Variants in OR2T1 observed in about 807,000 individuals in gnomAD.
OR2T1 encodes olfactory receptor family 2 subfamily T member 1, also known as olfactory receptor 2T1.
For synonymous variants in OR2T1, 186 were observed against 145.4 expected (o/e 1.28, Z -2.01); for missense variants, 440 against 390.2 (o/e 1.13, Z -1.07).
chr1:248,404,245 G>GGCTGCTATTACATAT, intron 1 of OR2T1, among the ~76,000 whole-genome samples: 84 of 151,042 alleles, frequency 5.6e-4, no homozygotes, highest in Middle Eastern at 3.4e-3. Flanking sequence ...AGACAGCAGA[G>GGCTGCTATTACATAT]ACCACTGTTT....
At position 248,406,426 on chromosome 1, in the gene OR2T1, T is replaced by TGTGG. The variant is rs1036774118; in HGVS notation, c.281_284dup (p.Cys96GlyfsTer16). On this transcript the variant is annotated frameshift_variant, in exon 2 of 2. Coordinates refer to ENST00000642005, the MANE Select transcript of OR2T1 (RefSeq NM_030904.2). LOFTEE classifies it low-confidence loss of function (END_TRUNC). The stretch of plus-strand genomic sequence containing the variant: ...TGCTGGATCAAAGGACCATTTCCTT[T>TGTGG]GTGGGGTGCACAGCTCAACACTTCC... 4.0e-5 allele frequency: 65 copies of TGTGG among 1,614,054 alleles called. No individual in the cohort carries two copies. The highest frequency in any genetic ancestry group is 5.3e-5 in the Non-Finnish European group (63 of 1,180,018).
rs774013535 is a variant in OR2T1 at position 248,406,507 on chromosome 1, C to T, written c.360C>T (p.Asp120=). The T allele has an allele frequency of 1.9e-6, 3 of 1,614,162 alleles. No homozygotes were observed. Among genetic ancestry groups the T allele is most frequent in the South Asian group, 1.1e-5 (1 of 91,080 alleles). ...EFFLLGLMAY[D]RYVAICNPLR... Reference sequence around the variant, plus strand: ...TCCTGCTGGGCCTCATGGCCTATGACCGCTATGTGGCCATTTGCAACCCTC... The same window carrying T: ...TCCTGCTGGGCCTCATGGCCTATGATCGCTATGTGGCCATTTGCAACCCTC... The change falls in exon 2 of 2, where the codon GAC becomes GAT. Residue 120 remains aspartate (D), a synonymous_variant. Transcript: ENST00000642005.
Position 248,406,330 on chromosome 1 carries a change from C to T in OR2T1, c.183C>T (p.Leu61=), listed in dbSNP as rs540027914. 5.6e-6 allele frequency: 9 copies of T among 1,614,162 alleles called. No individual in the cohort carries two copies. In the East Asian group the frequency reaches 2.0e-4, roughly 36 times the overall value. ...GCCTTCATACACCCATGTACTTCCT[C>T]CTCAGCCACCTTTCCTTAATTGACA... ...DLRLHTPMYF[L]LSHLSLIDMM... The change falls in exon 2 of 2, where the codon CTC becomes CTT. Residue 61 remains leucine, a synonymous_variant. Transcript: ENST00000642005.
Position 248,407,083 on chromosome 1 carries a change from G to C in OR2T1, c.936G>C (p.Arg312Ser). 6.3e-7 allele frequency: 1 copy of C among 1,590,412 alleles called. No homozygotes were observed. The highest frequency in any genetic ancestry group is 8.5e-7 in the Non-Finnish European group (1 of 1,169,744). ...RALGRFKGPQ[R>S]VSGGVF ...TGGGGAGGTTCAAGGGTCCTCAAAG[G>C]GTGTCAGGAGGTGTCTTTTGACAGT... Residue 312 changes from arginine (R) to serine (S), a missense_variant, in exon 2 of 2, where the codon AGG (arginine) becomes AGC (serine). Coordinates refer to ENST00000642005, the MANE Select transcript of OR2T1 (RefSeq NM_030904.2).
rs551535381 is a variant in OR2T1, at chr1:248,403,818, G to C, written c.-34+573G>C. On this transcript the variant is annotated intron_variant, in intron 1 of 1. Transcript: ENST00000642005. The stretch of plus-strand genomic sequence containing the variant: ...GGAGGGCTTGTTCTCTGATAAATTA[G>C]ATCTTTTGTATGCAGATAGGAAAAG... Among the ~76,000 whole-genome samples the C allele has an allele frequency of 4.8e-4, 73 of 152,188 alleles. 1 individual carries two copies. The highest frequency in any genetic ancestry group is 2.0e-3 in the Admixed American group (31 of 15,260).
intron 1 of OR2T1, among the ~76,000 whole-genome samples, chr1:248,405,354 T>C (rs1276537757): frequency 1.3e-5 from 2 of 152,196 alleles, no homozygotes. Context: ...GCTCAATGTT[T>C]ACGTCCCTGT....
intron 1 of OR2T1, among the ~76,000 whole-genome samples, chr1:248,405,804 AC>A (rs761165687): frequency 7.2e-5 from 11 of 152,352 alleles, no homozygotes; most frequent in Non-Finnish European, 1.0e-4. Context: ...ACACGCATAC[AC>A]CGGACCATGG....
rs1438157917 is a variant in OR2T1, at chr1:248,406,838, G to A, written c.691G>A (p.Glu231Lys). 1.2e-6 allele frequency: 2 copies of A among 1,614,060 alleles called. No homozygotes were observed. The highest frequency in any genetic ancestry group is 1.7e-5 in the Admixed American group (1 of 59,998). ...TACAGTTCAGTGCATGAGCTCAGTGGAGGGCAGGAAGAAGGCATTTGCCAC... is the reference window on the plus strand; with the variant it reads ...TACAGTTCAGTGCATGAGCTCAGTGAAGGGCAGGAAGAAGGCATTTGCCAC... ...LTTVQCMSSV[E>K]GRKKAFATCS... Residue 231 changes from glutamate to lysine, a missense_variant, in exon 2 of 2, where the codon GAG becomes AAG. Coordinates refer to ENST00000642005, the MANE Select transcript of OR2T1 (RefSeq NM_030904.2).
intron 1 of OR2T1, among the ~76,000 whole-genome samples, chr1:248,403,886 C>T (rs1661483229): frequency 2.0e-5 from 3 of 151,934 alleles, no homozygotes; most frequent in Admixed American, 2.0e-4. Context: ...TTAGAATTTC[C>T]CTTTGCATTG....
At position 248,407,828 on chromosome 1, in the gene OR2T1, T is replaced by C. The variant is rs191072843; in HGVS notation, c.*724T>C. The C allele has an allele frequency of 1.7e-4, 26 of 152,370 alleles. No homozygotes were observed. The highest frequency in any genetic ancestry group is 6.0e-4 in the African/African-American group (25 of 41,584). The allele number at this position is 152,370 out of a possible 1,614,324, so 9.4% of individuals were successfully genotyped here. On this transcript the variant is annotated 3_prime_UTR_variant, in exon 2 of 2. Coordinates refer to ENST00000642005, the MANE Select transcript of OR2T1 (RefSeq NM_030904.2). ...CATCTGACTGTTTCTGTGTATCCTT[T>C]GTAATATCATTTATAACAAGTGGTA...
chr1:248,405,626 G>A (rs1281066721), intron 1 of OR2T1, among the ~76,000 whole-genome samples: 2 of 152,146 alleles, frequency 1.3e-5, no homozygotes, highest in Non-Finnish European at 2.9e-5. Flanking sequence ...TCATGATGTA[G>A]ACAGTGACTT....
At position 248,406,428 on chromosome 1, in the gene OR2T1, T is replaced by C; in HGVS notation, c.281T>C (p.Val94Ala). The C allele has an allele frequency of 1.9e-6, 3 of 1,614,130 alleles. No individual in the cohort carries two copies. The highest frequency in any genetic ancestry group is 2.5e-6 in the Non-Finnish European group (3 of 1,179,984). The change falls in exon 2 of 2, where the codon GTG (valine) becomes GCG (alanine). Residue 94 changes from valine (V) to alanine (A), a missense_variant. By Grantham distance (64) the Val-to-Ala change is moderately conservative (BLOSUM62 0). Coordinates refer to ENST00000642005, the MANE Select transcript of OR2T1 (RefSeq NM_030904.2). ...YLLDQRTISF[V>A]GCTAQHFLYL... Reference sequence around the variant, plus strand: ...CTGGATCAAAGGACCATTTCCTTTGTGGGGTGCACAGCTCAACACTTCCTC... The same window carrying C: ...CTGGATCAAAGGACCATTTCCTTTGCGGGGTGCACAGCTCAACACTTCCTC...
Position 248,407,393 on chromosome 1 carries a change from T to G in OR2T1, c.*289T>G. The G allele has an allele frequency of 2.7e-6, 1 of 369,890 alleles. No homozygotes were observed. 22.9% of individuals were successfully genotyped at this position (369,890 alleles called of 1,614,324 possible). On this transcript the variant is annotated 3_prime_UTR_variant, in exon 2 of 2. Transcript: ENST00000642005. ...ATATAATCCAATCTTTCCCCGCTTT[T>G]GGTCACAAAGAAATTATCTGACTAC...
In OR2T1 at chr1:248,407,475, C is replaced by G. The variant is rs1661587683; in HGVS notation, c.*371C>G. ...TTCAAAAGAGGTCTTCTCTCATACC[C>G]TGGGGGAGGGAATGCTATACAGAGA... On this transcript the variant is annotated 3_prime_UTR_variant, in exon 2 of 2. Transcript: ENST00000642005. 3 of 210,648 alleles carry G rather than the reference C, an allele frequency of 1.4e-5. No homozygotes were observed. The highest frequency in any genetic ancestry group is 3.0e-4 in the South Asian group (2 of 6,558). 13.0% of individuals were successfully genotyped at this position (210,648 alleles called of 1,614,324 possible).
rs1558315121 is a variant in OR2T1 at position 248,406,269 on chromosome 1, ATG to A, written c.123_124del (p.Asn41LysfsTer28). On this transcript the variant is annotated frameshift_variant, in exon 2 of 2. Transcript: ENST00000642005. LOFTEE classifies it low-confidence loss of function (END_TRUNC). The stretch of plus-strand genomic sequence containing the variant: ...ATCTTCTTCACCGCACTGATGGCCA[ATG>A]GGGTTATGATCTTCCTGATCCAAAC... 2 of 1,614,138 alleles carry A rather than the reference ATG, an allele frequency of 1.2e-6. No homozygotes were observed. Among genetic ancestry groups the A allele is most frequent in the East Asian group, 4.5e-5 (2 of 44,886 alleles).
chr1:248,405,814 G>A (rs1355706155), intron 1 of OR2T1, among the ~76,000 whole-genome samples: 3 of 152,176 alleles, frequency 2.0e-5, no homozygotes, highest in Non-Finnish European at 2.9e-5. Context: ...ACCGGACCAT[G>A]GTATGCGTAA....
At chr1:248,405,063 C>A (rs1455270720) in intron 1 of OR2T1, among the ~76,000 whole-genome samples, 3 of 152,114 alleles carry the variant, frequency 2.0e-5, no homozygotes, top group Admixed American at 1.3e-4. Flanking sequence ...ATAGCAACTT[C>A]TTTTTCTGGG....
At position 248,407,110 on chromosome 1, in the gene OR2T1, G is replaced by C. The variant is rs143926503; in HGVS notation, c.*6G>C. 1.1e-4 allele frequency: 175 copies of C among 1,561,642 alleles called. 1 individual carries two copies. In the East Asian group the frequency reaches 3.8e-3, roughly 34 times the overall value. ...TGTCAGGAGGTGTCTTTTGACAGTC[G>C]ACTCCTTCCCATGCATATGGTAAAT... On this transcript the variant is annotated 3_prime_UTR_variant, in exon 2 of 2. Coordinates refer to ENST00000642005, the MANE Select transcript of OR2T1 (RefSeq NM_030904.2).
rs374334348 is a variant in OR2T1 at position 248,406,115 on chromosome 1, A to G, written c.-33A>G. ...GGAATGCTATCATCTTATTTGGAAG[A>G]TATTACCTTATATCGGCACAACTGT... On this transcript the variant is annotated splice_region_variant and 5_prime_UTR_variant, in exon 2 of 2. Coordinates refer to ENST00000642005, the MANE Select transcript of OR2T1 (RefSeq NM_030904.2). 3 of 1,613,956 alleles carry G rather than the reference A, an allele frequency of 1.9e-6. No individual in the cohort carries two copies. Among genetic ancestry groups the G allele is most frequent in the Admixed American group, 1.7e-5 (1 of 59,982 alleles).
Sources: allele counts gnomAD v4.1 joint callset (sites outside exome capture counted in the v4.1 genomes callset), GRCh38; gene constraint gnomAD v4.1.1; transcripts MANE v1.5; gene names NCBI Gene and HGNC (gene_info 2026-07-23, HGNC 2026-07-21).